The following SLC44A1 variants were observed in gnomAD, a reference collection of about 807,000 sequenced individuals.
SLC44A1 encodes the protein choline transporter-like protein 1.
SLC44A1 carries 26 observed loss-of-function variants against 79.3 expected under a neutral mutation model. The observed-to-expected ratio is 0.33, with a 90% CI of 0.24 to 0.46. The LOEUF is 0.46. Among genes scored for constraint, SLC44A1 ranks in the 20% least tolerant of loss-of-function variants. The pLI is 1.00. For synonymous variants in SLC44A1, 263 were observed against 286.2 expected (o/e 0.92, Z 0.82); for missense variants, 688 against 798.1 (o/e 0.86, Z 1.66).
chr9:105,428,055 T>C (rs1286844538), intron 15 of SLC44A1, among the ~76,000 whole-genome samples: 1 of 152,170 alleles, frequency 6.6e-6, no homozygotes, highest in Non-Finnish European at 1.5e-5. Context: ...TTTTCGGTCA[T>C]ATTAGTAGCA....
intron 2 of SLC44A1, among the ~76,000 whole-genome samples, chr9:105,304,099 C>T (rs577868503): frequency 1.8e-4 from 27 of 152,304 alleles, no homozygotes; most frequent in Non-Finnish European, 3.1e-4. Flanking sequence ...GGAGAATGAT[C>T]TGGAATAGAG....
intron 8 of SLC44A1, among the ~76,000 whole-genome samples, chr9:105,361,726 A>T (rs1827785636): frequency 1.3e-5 from 2 of 152,190 alleles, no homozygotes; most frequent in African/African-American, 4.8e-5. Context: ...TTGTCTTTCA[A>T]ACTTTTCATT....
chr9:105,247,035 A>G (rs1381520970), intron 1 of SLC44A1, among the ~76,000 whole-genome samples: 1 of 150,896 alleles, frequency 6.6e-6, no homozygotes, highest in Non-Finnish European at 1.5e-5. Context: ...AGCTTTAGGG[A>G]CTTGTAGTGT....
intron 15 of SLC44A1, among the ~76,000 whole-genome samples, chr9:105,412,351 C>A (rs555464912): frequency 6.6e-6 from 1 of 152,242 alleles, no homozygotes; most frequent in Non-Finnish European, 1.5e-5. Flanking sequence ...TTCAAGCTGG[C>A]TCCTGTACTT....
chr9:105,414,291 G>A (rs896665613), intron 15 of SLC44A1, among the ~76,000 whole-genome samples: 14 of 152,130 alleles, frequency 9.2e-5, no homozygotes, highest in South Asian at 4.1e-4. Flanking sequence ...TCCTGATCTC[G>A]TGATCCGCCC....
intron 13 of SLC44A1, among the ~76,000 whole-genome samples, chr9:105,381,901 A>G (rs986714656): frequency 6.6e-6 from 1 of 152,230 alleles, no homozygotes; most frequent in African/African-American, 2.4e-5. Flanking sequence ...AGAAGAATTC[A>G]TGGTCTGCCT....
At chr9:105,421,251 C>G (rs1001188341) in intron 15 of SLC44A1, among the ~76,000 whole-genome samples, 2 of 152,176 alleles carry the variant, frequency 1.3e-5, no homozygotes, top group East Asian at 3.8e-4. Context: ...CCTGGAACAG[C>G]TATCATTTAC....
In SLC44A1 at chr9:105,389,732, T is replaced by TA; in HGVS notation, c.*683dup. 7.8e-7 allele frequency: 1 copy of TA among 1,282,186 alleles called. No homozygotes were observed. The highest frequency in any genetic ancestry group is 9.9e-7 in the Non-Finnish European group (1 of 1,010,588). 79.4% of individuals were successfully genotyped at this position (1,282,186 alleles called of 1,614,324 possible). ...TAACGCTTCTTTAAAAGAAAGTAGG[T>TA]AAAAAAAGAAAAGGGTAGATAATCT... On this transcript the variant is annotated 3_prime_UTR_variant, in exon 16 of 16. Transcript: ENST00000374720.
rs570950056 is a variant in SLC44A1, at chr9:105,395,898, C to CT, written c.*6857dup. 0.11 allele frequency: 80,777 copies of CT among 747,106 alleles called. 3 individuals carry two copies. Among genetic ancestry groups the CT allele is most frequent in the Non-Finnish European group, 0.12 (74,332 of 618,398 alleles). 46.3% of individuals were successfully genotyped at this position (747,106 alleles called of 1,614,324 possible). On this transcript the variant is annotated 3_prime_UTR_variant, in exon 16 of 16. Transcript: ENST00000374720. Reference sequence around the variant, plus strand: ...TACCATGTTGATAATCCGGTGGTGACTTTTTTTTTTTTTTTGTAAATTGTA... The same window carrying CT: ...TACCATGTTGATAATCCGGTGGTGACTTTTTTTTTTTTTTTTGTAAATTGTA...
At chr9:105,296,446 G>A (rs1248199818) in intron 1 of SLC44A1, among the ~76,000 whole-genome samples, 1 of 152,176 alleles carries the variant, frequency 6.6e-6, no homozygotes, top group African/African-American at 2.4e-5. Context: ...TGTTATAGAT[G>A]AAAATTTAGG....
intron 1 of SLC44A1, among the ~76,000 whole-genome samples, chr9:105,245,526 C>T (rs953884903): frequency 2.0e-5 from 3 of 152,226 alleles, no homozygotes; most frequent in African/African-American, 4.8e-5. Flanking sequence ...CCCCATCCCC[C>T]CTTAGTGCCG....
At chr9:105,398,722 T>C (rs1274516234), downstream of SLC44A1, among the ~76,000 whole-genome samples, 1 of 152,168 alleles carries the variant, frequency 6.6e-6, no homozygotes, top group African/African-American at 2.4e-5. Flanking sequence ...AGCTCAAAAC[T>C]CTTACACATG....
Position 105,348,460 on chromosome 9 carries a change from T to C in SLC44A1, c.500+9T>C. On this transcript the variant is annotated intron_variant, in intron 5 of 15. Transcript: ENST00000374720. Reference sequence around the variant, plus strand: ...CTACCAGTTCCAGCGAGGTAAATTTTATTGCAAAGTTGTTAACTTGTGACT... The same window carrying C: ...CTACCAGTTCCAGCGAGGTAAATTTCATTGCAAAGTTGTTAACTTGTGACT... The C allele has an allele frequency of 1.3e-6, 2 of 1,514,662 alleles. No homozygotes were observed. The highest frequency in any genetic ancestry group is 1.8e-6 in the Non-Finnish European group (2 of 1,089,804). 93.8% of individuals were successfully genotyped at this position (1,514,662 alleles called of 1,614,324 possible).
chr9:105,348,382 T>C lies in SLC44A1; in HGVS notation c.431T>C (p.Leu144Pro). 6.2e-7 allele frequency: 1 copy of C among 1,610,602 alleles called. No individual in the cohort carries two copies. The highest frequency in any genetic ancestry group is 8.5e-7 in the Non-Finnish European group (1 of 1,177,068). ...GGTTCAGCCCTATGTAGCTACAACC[T>C]AAAGCCTTCTGAATACACTACATCT... The part of the protein sequence containing the change: ...INGSALCSYN[L>P]KPSEYTTSPK... Residue 144 changes from leucine (L) to proline (P), a missense_variant, in exon 5 of 16, where the codon CTA (leucine) becomes CCA (proline). By Grantham distance (98) the Leu-to-Pro change is moderately conservative (BLOSUM62 -3). Coordinates refer to ENST00000374720, the MANE Select transcript of SLC44A1 (RefSeq NM_080546.5).
rs952356919 is a variant in SLC44A1, at chr9:105,393,873, C to G, written c.*4817C>G. ...GGACACGGAGCTCAGAATAATAAAG[C>G]TTTTATTAATGGTCTAGTGAAGATC... On this transcript the variant is annotated 3_prime_UTR_variant, in exon 16 of 16. Coordinates refer to ENST00000374720, the MANE Select transcript of SLC44A1 (RefSeq NM_080546.5). 37 of 983,232 alleles carry G rather than the reference C, an allele frequency of 3.8e-5. No homozygotes were observed. The highest frequency in any genetic ancestry group is 3.6e-5 in the Non-Finnish European group (30 of 828,094). 60.9% of individuals were successfully genotyped at this position (983,232 alleles called of 1,614,324 possible).
chr9:105,321,975 G>A (rs1217603027), intron 3 of SLC44A1, among the ~76,000 whole-genome samples: 1 of 152,156 alleles, frequency 6.6e-6, no homozygotes, highest in African/African-American at 2.4e-5. Flanking sequence ...AAATCACAGA[G>A]TAAAGGATCA....
chr9:105,322,373 A>T (rs773531997), intron 3 of SLC44A1, among the ~76,000 whole-genome samples: 1 of 152,206 alleles, frequency 6.6e-6, no homozygotes, highest in Non-Finnish European at 1.5e-5. Flanking sequence ...TAAGTTTTCA[A>T]AAGAAGCCGG....
At chr9:105,346,004 A>C (rs576281905) in intron 4 of SLC44A1, among the ~76,000 whole-genome samples, 6 of 152,158 alleles carry the variant, frequency 3.9e-5, no homozygotes, top group South Asian at 2.1e-4. Flanking sequence ...AAAAAAAAAA[A>C]AAAACACATA....
chr9:105,295,570 A>C (rs954979990), intron 1 of SLC44A1, among the ~76,000 whole-genome samples: 1 of 152,246 alleles, frequency 6.6e-6, no homozygotes, highest in Non-Finnish European at 1.5e-5. Flanking sequence ...GACTCACTTG[A>C]GAAACTTCAT....
Sources: gnomAD v4.1 joint callset for allele counts (sites outside exome capture counted in the v4.1 genomes callset) on GRCh38, gnomAD v4.1.1 for gene constraint, MANE v1.5 for transcripts, NCBI Gene and HGNC (gene_info 2026-07-23, HGNC 2026-07-21) for gene names.